Variants in OPLAH observed in about 807,000 individuals in gnomAD.
OPLAH encodes the protein 5-oxoprolinase, ATP-hydrolysing.
A neutral mutation model predicts 122.8 loss-of-function variants in OPLAH; 103 were observed. That is an observed-to-expected ratio of 0.84 (90% CI 0.71 to 0.99). OPLAH has a LOEUF of 0.99. Ranked by LOEUF, OPLAH falls within the 50% of genes least tolerant of loss-of-function variation. The probability of loss-of-function intolerance (pLI) is 0.00; values close to 1 mark genes in which losing one functional copy is unlikely to be tolerated. For missense variants in OPLAH, 1,902 were observed against 1,836.5 expected (o/e 1.04, Z -0.65); for synonymous variants, 875 against 796.0 (o/e 1.10, Z -1.67).
In OPLAH at chr8:144,056,622, C is replaced by T. The variant is rs553748158; in HGVS notation, c.1840G>A (p.Glu614Lys). The T allele has an allele frequency of 6.5e-5, 105 of 1,612,272 alleles. 1 individual carries two copies. The South Asian group carries it at 1.1e-3, about 17-fold the overall frequency. The change falls in exon 13 of 27, where the codon GAG becomes AAG. Residue 614 changes from glutamate to lysine, a missense_variant. This residue lies in a region of OPLAH where 1,726 missense variants were observed against 1,642.1 expected (regional missense o/e 1.05). Transcript: ENST00000618853. ...CGGAGTCAGGAAGCCACGTACCGCT[C>T]CACAAAGGCTGCCCCGAAGTCCCCC... ...RAGDFGAAFV[E>K]RYMREFGFVI... is the part of the protein sequence containing the mutation.
In OPLAH at chr8:144,059,857, C is replaced by T. The variant is rs1214500642; in HGVS notation, c.171+5G>A. 6.2e-7 allele frequency: 1 copy of T among 1,612,570 alleles called. No individual in the cohort carries two copies. The highest frequency in any genetic ancestry group is 2.2e-5 in the East Asian group (1 of 44,874). On this transcript the variant is annotated splice_donor_5th_base_variant and intron_variant, in intron 2 of 26. Transcript: ENST00000618853. ...TCCCTGTCCACCCGCTCCGCCCTGG[C>T]CCACCTGCTCCAGGATGCGGCGGAT...
In OPLAH at chr8:144,052,657, C is replaced by G. The variant is rs1473636170; in HGVS notation, c.3154-59G>C. 5.2e-6 allele frequency: 8 copies of G among 1,537,220 alleles called. No homozygotes were observed. The African/African-American group carries it at 1.1e-4, about 21-fold the overall frequency. On this transcript the variant is annotated intron_variant, in intron 22 of 26. Transcript: ENST00000618853. ...GGGTGGGCTCCGGGAGAAACAGCACCCCACCCCCCGCCCCAGCACCCGTGG... is the reference window on the plus strand; with the variant it reads ...GGGTGGGCTCCGGGAGAAACAGCACGCCACCCCCCGCCCCAGCACCCGTGG...
upstream of OPLAH, among the ~76,000 whole-genome samples, chr8:144,061,161 C>T (rs1418404371): frequency 6.6e-6 from 1 of 152,322 alleles, no homozygotes; most frequent in East Asian, 1.9e-4. Flanking sequence ...CTCCTTGTGC[C>T]AGAGGCGTGT....
intron 6 of OPLAH, 44 bp downstream of exon 6, chr8:144,058,452 G>A: frequency 6.3e-7 from 1 of 1,580,032 alleles, no homozygotes; most frequent in Non-Finnish European, 8.6e-7. Context: ...CAAGGCCCAG[G>A]CCCAGGCCCA....
At position 144,054,881 on chromosome 8, in the gene OPLAH, G is replaced by A. The variant is rs535876529; in HGVS notation, c.2442C>T (p.Gly814=). ...TGGGATGGTTGCTCAGTAGCACGTC[G>A]CCAGGGTGGAGATCGGCCCCCAGGT... ...IQHLGADLHP[G]DVLLSNHPSA... is the part of the protein sequence containing the mutation. The change falls in exon 18 of 27, where the codon GGC becomes GGT. Residue 814 remains glycine, a synonymous_variant. Transcript: ENST00000618853. 2.0e-5 allele frequency: 33 copies of A among 1,610,374 alleles called. 1 individual carries two copies. In the South Asian group the frequency reaches 2.1e-4, roughly 10 times the overall value.
In OPLAH at chr8:144,059,901, C is replaced by T. The variant is rs782814326; in HGVS notation, c.132G>A (p.Ala44=). ...GGCGGATGCCTTCGGTTGGCGCGTC[C>T]GCATAGTTGGCAGGGTCCTCTGAGA... The part of the protein sequence containing the change: ...KLLSEDPANY[A]DAPTEGIRRI... The change falls in exon 2 of 27, where the codon GCG becomes GCA. Residue 44 remains alanine, a synonymous_variant. Coordinates refer to ENST00000618853, the MANE Select transcript of OPLAH (RefSeq NM_017570.5). 4.3e-6 allele frequency: 7 copies of T among 1,612,796 alleles called. No individual in the cohort carries two copies. The highest frequency in any genetic ancestry group is 3.3e-5 in the Admixed American group (2 of 60,024).
At chr8:144,054,288 C>A (rs1175980245) in intron 19 of OPLAH, among the ~76,000 whole-genome samples, 1 of 152,148 alleles carries the variant, frequency 6.6e-6, no homozygotes, top group Non-Finnish European at 1.5e-5. Flanking sequence ...TTGAAACAGG[C>A]TTCTCTCTCC....
chr8:144,053,676 A>G (rs909451604), intron 19 of OPLAH, among the ~76,000 whole-genome samples: 1 of 151,818 alleles, frequency 6.6e-6, no homozygotes, highest in African/African-American at 2.4e-5. Context: ...GGGCCACCCT[A>G]TCTGTGTCCT....
chr8:144,054,962 GAGC>G, intron 17 of OPLAH, 49 bp from the exon 18 acceptor site: 1 of 1,144,754 alleles, frequency 8.7e-7, no homozygotes. Context: ...GCAGGGGCCA[GAGC>G]GGGGTGGGGG....
Position 144,056,964 on chromosome 8 carries a change from C to A in OPLAH, c.1690G>T (p.Ala564Ser). 6.3e-7 allele frequency: 1 copy of A among 1,580,976 alleles called. No homozygotes were observed. Residue 564 changes from alanine to serine, a missense_variant, in exon 12 of 27, where the codon GCC becomes TCC. By Grantham distance (99) the Ala-to-Ser change is moderately conservative. Coordinates refer to ENST00000618853, the MANE Select transcript of OPLAH (RefSeq NM_017570.5). ...LEEQCVDALQ[A>S]QGFPRSQIST... ...GGAGCCCACCTGGGGAAGCCCTGGG[C>A]CTGCAGAGCATCCACACACTGCTCC...
In OPLAH at chr8:144,055,789, A is replaced by G. The variant is rs958530375; in HGVS notation, c.2247T>C (p.Ala749=). Residue 749 remains alanine (A), a splice_region_variant and synonymous_variant, in exon 16 of 27, where the codon GCT becomes GCC. Coordinates refer to ENST00000618853, the MANE Select transcript of OPLAH (RefSeq NM_017570.5). This position sits in a 1 kb window ranked among gnomAD's most constrained non-coding sequence, Gnocchi z 6.5. ...SIFSHRFMSI[A]EQMGRILQRT... Reference sequence around the variant, plus strand: ...GGGAGCCTGGCAGCGGCCACTCACCAGCAATGCTCATGAAGCGGTGTGAGA... The same window carrying G: ...GGGAGCCTGGCAGCGGCCACTCACCGGCAATGCTCATGAAGCGGTGTGAGA... 6.6e-7 allele frequency: 1 copy of G among 1,525,554 alleles called. No individual in the cohort carries two copies. The highest frequency in any genetic ancestry group is 8.8e-7 in the Non-Finnish European group (1 of 1,132,136). The allele number at this position is 1,525,554 out of a possible 1,614,324, so 94.5% of individuals were successfully genotyped here.
chr8:144,051,512 A>G, intron 26 of OPLAH, 40 bp from the exon 27 acceptor site: 1 of 1,420,624 alleles, frequency 7.0e-7, no homozygotes, highest in Non-Finnish European at 9.3e-7. Flanking sequence ...GGCTCAGTGC[A>G]GGCGTGGCCC....
At position 144,051,698 on chromosome 8, in the gene OPLAH, G is replaced by C. The variant is rs575100746; in HGVS notation, c.3720+31C>G. ...GATGGGGCCGGGAGGGGAGGGGAGG[G>C]GAGGGGGACAGGACAGGCCGCGGCC... On this transcript the variant is annotated intron_variant, in intron 26 of 26. Transcript: ENST00000618853. 181 of 1,518,880 alleles carry C rather than the reference G, an allele frequency of 1.2e-4. No homozygotes were observed. The African/African-American group carries it at 2.2e-3, about 19-fold the overall frequency. The allele number at this position is 1,518,880 out of a possible 1,614,324, so 94.1% of individuals were successfully genotyped here.
In OPLAH at chr8:144,053,216, T is replaced by C; in HGVS notation, c.2864A>G (p.His955Arg). The change falls in exon 20 of 27, where the codon CAT becomes CGT. Residue 955 changes from histidine to arginine, a missense_variant. This residue lies in a region of OPLAH where 1,726 missense variants were observed against 1,642.1 expected (regional missense o/e 1.05). Coordinates refer to ENST00000618853, the MANE Select transcript of OPLAH (RefSeq NM_017570.5). ...TCCTGTGCCCAGGCCCACCTGAATA[T>C]GGCCCATGTAGGCCTGCACCACGTC... is the stretch of plus-strand genomic sequence containing the variant. ...GLDVVQAYMG[H>R]IQANAELAVR... 6.2e-7 allele frequency: 1 copy of C among 1,612,676 alleles called. No homozygotes were observed. The highest frequency in any genetic ancestry group is 8.5e-7 in the Non-Finnish European group (1 of 1,179,724).
In OPLAH at chr8:144,054,934, C is replaced by T. The variant is rs1554758591; in HGVS notation, c.2410-21G>A. 3.3e-6 allele frequency: 5 copies of T among 1,522,104 alleles called. No individual in the cohort carries two copies. The South Asian group carries it at 3.5e-5, about 11-fold the overall frequency. 94.3% of individuals were successfully genotyped at this position (1,522,104 alleles called of 1,614,324 possible). A position where few individuals can be genotyped will look rare whatever the true frequency, so the allele number is the denominator to read the frequency against. Reference sequence around the variant, plus strand: ...TGAATCTGAAACCAGGAGATGGGTGCAGAGTGGGCACAGGGGAGCAGGGGC... The same window carrying T: ...TGAATCTGAAACCAGGAGATGGGTGTAGAGTGGGCACAGGGGAGCAGGGGC... On this transcript the variant is annotated intron_variant, in intron 17 of 26. Transcript: ENST00000618853.
downstream of OPLAH, chr8:144,050,706 T>TA (rs1835352181): frequency 2.0e-6 from 2 of 985,222 alleles, no homozygotes; most frequent in Admixed American, 6.1e-5. Context: ...GTATCGTGCT[T>TA]AGGGGGAGGG....
Position 144,055,980 on chromosome 8 carries a change from G to T in OPLAH, c.2097-41C>A. 2 of 1,514,638 alleles carry T rather than the reference G, an allele frequency of 1.3e-6. No homozygotes were observed. The highest frequency in any genetic ancestry group is 8.9e-7 in the Non-Finnish European group (1 of 1,127,022). 93.8% of individuals were successfully genotyped at this position (1,514,638 alleles called of 1,614,324 possible). On this transcript the variant is annotated intron_variant, in intron 15 of 26. Coordinates refer to ENST00000618853, the MANE Select transcript of OPLAH (RefSeq NM_017570.5). The surrounding 1 kb of genome is among the most constrained non-coding windows in gnomAD (Gnocchi z 6.5). The stretch of plus-strand genomic sequence containing the variant: ...CACAGAGGGCTGCATGGGGCCAGGC[G>T]ACACCCCTCCAACCAGAGATGCCAC...
At position 144,051,883 on chromosome 8, in the gene OPLAH, G is replaced by A. The variant is rs782080838; in HGVS notation, c.3622+33C>T. 1.2e-4 allele frequency: 168 copies of A among 1,447,006 alleles called. No individual in the cohort carries two copies. In the African/African-American group the frequency reaches 1.9e-3, roughly 17 times the overall value. The allele number at this position is 1,447,006 out of a possible 1,614,324, so 89.6% of individuals were successfully genotyped here. ...CAGGGGCGGGGGTGGGGGCGGGGGC[G>A]GGGAGGGCCGCGAGGGCTGGGGAAC... is the stretch of plus-strand genomic sequence containing the variant. On this transcript the variant is annotated intron_variant, in intron 25 of 26. Coordinates refer to ENST00000618853, the MANE Select transcript of OPLAH (RefSeq NM_017570.5).
At chr8:144,058,934 C>G in intron 4 of OPLAH, 38 bp from the exon 5 acceptor site, 1 of 1,554,890 alleles carries the variant, frequency 6.4e-7, no homozygotes, top group Non-Finnish European at 8.7e-7. Context: ...TAAAGGCCAG[C>G]AGGACCCTCC....
Sources: allele counts gnomAD v4.1 joint callset (sites outside exome capture counted in the v4.1 genomes callset), GRCh38; gene constraint gnomAD v4.1.1; regional missense constraint gnomAD v4.1.1; non-coding constraint Gnocchi (gnomAD v3.1); transcripts MANE v1.5; gene names NCBI Gene and HGNC (gene_info 2026-07-23, HGNC 2026-07-21).